TNFRSF13B: variants seen among roughly 807,000 people sequenced by gnomAD.
TNFRSF13B encodes the protein TNF receptor superfamily member 13B.
In TNFRSF13B, 34 loss-of-function variants were observed where a neutral mutation model predicts 24.0. The observed-to-expected ratio is 1.41, with a 90% CI of 1.08 to 1.88. The LOEUF is 1.88. TNFRSF13B is among the 40% of genes most tolerant of loss of function. The probability of loss-of-function intolerance (pLI) is 0.00; values close to 1 mark genes in which losing one functional copy is unlikely to be tolerated. For missense variants in TNFRSF13B, 415 were observed against 380.8 expected (o/e 1.09, Z -0.75); for synonymous variants, 173 against 150.3 (o/e 1.15, Z -1.10).
intron 1 of TNFRSF13B, among the ~76,000 whole-genome samples, chr17:16,966,445 A>G (rs1420583487): frequency 2.0e-5 from 3 of 152,244 alleles, no homozygotes; most frequent in Non-Finnish European, 2.9e-5. Flanking sequence ...GGTCATGAAT[A>G]GACAGTTCAC....
chr17:16,963,948 C>T (rs2087681346), intron 1 of TNFRSF13B, among the ~76,000 whole-genome samples: 1 of 152,206 alleles, frequency 6.6e-6, no homozygotes, highest in South Asian at 2.1e-4. Flanking sequence ...AGGATTCCAG[C>T]GTGCAGAGAT....
chr17:16,971,886 G>C (rs879669800), intron 1 of TNFRSF13B, 129 bp downstream of exon 1: 4 of 908,612 alleles, frequency 4.4e-6, no homozygotes, highest in Non-Finnish European at 7.2e-6. Context: ...TGGGGAGGCT[G>C]GGACTGCCCC....
chr17:16,948,638 C>G lies in TNFRSF13B; in HGVS notation c.445+100G>C. 3 of 1,552,696 alleles carry G rather than the reference C, an allele frequency of 1.9e-6. No homozygotes were observed. The East Asian group carries it at 6.7e-5, about 35-fold the overall frequency. ...TCTGGCCATTTGCTTGGACTCTGGG[C>G]TTCATGCATTGTGGACTCTCCTGTT... On this transcript the variant is annotated intron_variant, in intron 3 of 4. Transcript: ENST00000261652.
At chr17:16,964,424 C>A (rs917120674) in intron 1 of TNFRSF13B, among the ~76,000 whole-genome samples, 2 of 146,610 alleles carry the variant, frequency 1.4e-5, no homozygotes, top group Middle Eastern at 7.1e-3. Context: ...CTCACTGCAA[C>A]CTCTGCCTTC....
At chr17:16,969,310 C>T (rs2087727281) in intron 1 of TNFRSF13B, among the ~76,000 whole-genome samples, 2 of 152,150 alleles carry the variant, frequency 1.3e-5, no homozygotes, top group African/African-American at 4.8e-5. Flanking sequence ...ACCCAAATGT[C>T]CATCCACCGA....
chr17:16,970,770 G>C (rs925758333), intron 1 of TNFRSF13B, among the ~76,000 whole-genome samples: 1 of 152,176 alleles, frequency 6.6e-6, no homozygotes, highest in South Asian at 2.1e-4. Context: ...CCAGAGCACT[G>C]GGCAATTTCA....
At chr17:16,966,644 C>A (rs906207445) in intron 1 of TNFRSF13B, among the ~76,000 whole-genome samples, 2 of 152,000 alleles carry the variant, frequency 1.3e-5, no homozygotes, top group Non-Finnish European at 2.9e-5. Context: ...ATAGAAATAA[C>A]CCCCATGGAG....
chr17:16,946,214 C>T (rs1008845533), intron 3 of TNFRSF13B, among the ~76,000 whole-genome samples: 1 of 152,218 alleles, frequency 6.6e-6, no homozygotes, highest in Non-Finnish European at 1.5e-5. Flanking sequence ...CAGGCCCTGC[C>T]CATGGGACCT....
At chr17:16,966,124 T>A (rs2087697203) in intron 1 of TNFRSF13B, among the ~76,000 whole-genome samples, 1 of 151,650 alleles carries the variant, frequency 6.6e-6, no homozygotes, top group Non-Finnish European at 1.5e-5. Flanking sequence ...CATGGTGGTG[T>A]GCGCCTGTAA....
At chr17:16,967,980 A>T (rs1339765773) in intron 1 of TNFRSF13B, among the ~76,000 whole-genome samples, 2 of 151,124 alleles carry the variant, frequency 1.3e-5, no homozygotes. Flanking sequence ...TACTAAAAAA[A>T]AATACAAAAA....
Position 16,940,437 on chromosome 17 carries a change from C to T in TNFRSF13B, c.520G>A (p.Val174Ile), listed in dbSNP as rs375396272. Residue 174 changes from valine (V) to isoleucine (I), a missense_variant, in exon 4 of 5, where the codon GTC (valine) becomes ATC (isoleucine). Val to Ile is a conservative substitution (Grantham distance 29). Coordinates refer to ENST00000261652, the MANE Select transcript of TNFRSF13B (RefSeq NM_012452.3). ...ACCGCCACCAGGAAGCAGCAGAGGA[C>T]GGCACACAGGCAGAGCCCCAGCGTG... ...YSTLGLCLCA[V>I]LCCFLVAVAC... is the part of the protein sequence containing the mutation. 1.7e-5 allele frequency: 28 copies of T among 1,613,972 alleles called. No homozygotes were observed. The highest frequency in any genetic ancestry group is 1.8e-5 in the Non-Finnish European group (21 of 1,180,034).
chr17:16,960,271 A>G (rs1054815779), intron 1 of TNFRSF13B, among the ~76,000 whole-genome samples: 1 of 152,192 alleles, frequency 6.6e-6, no homozygotes, highest in African/African-American at 2.4e-5. Flanking sequence ...GATAAAGGCC[A>G]TATTTGAGAT....
intron 3 of TNFRSF13B, chr17:16,941,178 CT>C: frequency 1.0e-6 from 1 of 968,944 alleles, no homozygotes; most frequent in Non-Finnish European, 1.2e-6. Flanking sequence ...CAACTATCCC[CT>C]ATCTTTTCTG....
chr17:16,946,299 C>T (rs974696353), intron 3 of TNFRSF13B, among the ~76,000 whole-genome samples: 1 of 152,182 alleles, frequency 6.6e-6, no homozygotes, highest in African/African-American at 2.4e-5. Context: ...ACCAATCAGC[C>T]CCAAGAAGAG....
intron 1 of TNFRSF13B, among the ~76,000 whole-genome samples, chr17:16,966,847 T>A (rs867221051): frequency 7.0e-6 from 1 of 142,690 alleles, no homozygotes; most frequent in Non-Finnish European, 1.5e-5. Context: ...TTCTTTTTTT[T>A]TTTTTTTTTG....
At chr17:16,962,925 G>A (rs1439581822) in intron 1 of TNFRSF13B, among the ~76,000 whole-genome samples, 2 of 152,308 alleles carry the variant, frequency 1.3e-5, no homozygotes, top group East Asian at 3.9e-4. Context: ...AGAAAGTGGG[G>A]AATCAATCCA....
At chr17:16,971,298 G>A (rs991539994) in intron 1 of TNFRSF13B, among the ~76,000 whole-genome samples, 4 of 151,994 alleles carry the variant, frequency 2.6e-5, no homozygotes, top group African/African-American at 7.3e-5. Flanking sequence ...GCAGAAAGCC[G>A]AGATCATGCC....
At chr17:16,961,560 G>A (rs1307997511) in intron 1 of TNFRSF13B, among the ~76,000 whole-genome samples, 1 of 152,176 alleles carries the variant, frequency 6.6e-6, no homozygotes, top group Non-Finnish European at 1.5e-5. Context: ...GAGTTAGAGA[G>A]TAAAATAGAG....
chr17:16,951,199 T>C (rs527777505), intron 2 of TNFRSF13B, among the ~76,000 whole-genome samples: 127 of 152,338 alleles, frequency 8.3e-4, no homozygotes, highest in Non-Finnish European at 1.6e-3. Flanking sequence ...CTGGGTGATC[T>C]TGGGTGAGTC....
Sources: allele counts gnomAD v4.1 joint callset (sites outside exome capture counted in the v4.1 genomes callset), GRCh38; gene constraint gnomAD v4.1.1; transcripts MANE v1.5; gene names NCBI Gene and HGNC (gene_info 2026-07-23, HGNC 2026-07-21).